The following PITPNC1 variants were observed in gnomAD, a reference collection of about 807,000 sequenced individuals.
PITPNC1 encodes the protein cytoplasmic phosphatidylinositol transfer protein 1.
Under a neutral mutation model 44.7 loss-of-function variants are expected in PITPNC1, and 18 were observed. The observed-to-expected ratio is 0.40, with a 90% confidence interval of 0.28 to 0.60. PITPNC1 has a LOEUF of 0.60. Ranked by LOEUF, PITPNC1 falls within the 20% of genes least tolerant of loss-of-function variation. PITPNC1 has a pLI of 0.39. For missense variants in PITPNC1, 290 were observed against 418.4 expected, an observed-to-expected ratio of 0.69 and a Z score of 2.68; for synonymous variants, 141 against 149.6, an observed-to-expected ratio of 0.94 and a Z score of 0.42.
intron 6 of PITPNC1, among the ~76,000 whole-genome samples, chr17:67,640,090 T>TC (rs752078636): frequency 1.4e-4 from 22 of 151,940 alleles, no homozygotes; most frequent in South Asian, 1.0e-3. Context: ...TTTTTTTTTT[T>TC]CCCGTTTCCC....
At chr17:67,504,633 TTTC>T (rs1225401309) in intron 1 of PITPNC1, among the ~76,000 whole-genome samples, 1 of 151,160 alleles carries the variant, frequency 6.6e-6, no homozygotes, top group African/African-American at 2.4e-5. Context: ...GTCAGTCTTC[TTTC>T]TTTTTTGTTT....
At chr17:67,474,642 A>G (rs763262678) in intron 1 of PITPNC1, among the ~76,000 whole-genome samples, 2 of 151,980 alleles carry the variant, frequency 1.3e-5, no homozygotes, top group Non-Finnish European at 2.9e-5. Flanking sequence ...AATTCTGGCA[A>G]TCCGTAGGAT....
At chr17:67,602,143 C>T (rs181352226) in intron 5 of PITPNC1, among the ~76,000 whole-genome samples, 12 of 152,252 alleles carry the variant, frequency 7.9e-5, no homozygotes, top group Admixed American at 5.2e-4. Context: ...TTGCAGCCTG[C>T]GTGTAGGAGC....
intron 8 of PITPNC1, chr17:67,687,114 A>C (rs771700627): frequency 2.5e-6 from 4 of 1,612,794 alleles, no homozygotes; most frequent in Non-Finnish European, 3.4e-6. Flanking sequence ...ATGCATGAAC[A>C]AACCAACATA....
At chr17:67,385,078 T>C (rs1231293341) in intron 1 of PITPNC1, among the ~76,000 whole-genome samples, 1 of 152,194 alleles carries the variant, frequency 6.6e-6, no homozygotes, top group Non-Finnish European at 1.5e-5. Flanking sequence ...ATCCAGGTGG[T>C]TTCCTTGGTG....
At chr17:67,619,609 C>T (rs1416817681) in intron 5 of PITPNC1, among the ~76,000 whole-genome samples, 4 of 152,142 alleles carry the variant, frequency 2.6e-5, no homozygotes, top group Non-Finnish European at 4.4e-5. Context: ...GGACAACATG[C>T]ACAGTGCCCG....
At chr17:67,457,733 C>G (rs1304536729) in intron 1 of PITPNC1, 1 of 151,938 alleles carries the variant, frequency 6.6e-6, no homozygotes, top group Non-Finnish European at 1.5e-5. Context: ...AATTCTGGAG[C>G]CTCAGTCCTG....
chr17:67,523,830 T>A (rs959659852), intron 1 of PITPNC1, among the ~76,000 whole-genome samples: 2 of 148,814 alleles, frequency 1.3e-5, no homozygotes, highest in African/African-American at 2.5e-5. Context: ...TTTTTTTTTT[T>A]AATTGAGACA....
chr17:67,418,459 G>A (rs751919739), intron 1 of PITPNC1, among the ~76,000 whole-genome samples: 60 of 152,286 alleles, frequency 3.9e-4, no homozygotes, highest in Admixed American at 1.0e-3. Flanking sequence ...CATTCTTTGG[G>A]TAGGTAGGTA....
chr17:67,529,166 G>C (rs967957863), intron 1 of PITPNC1, among the ~76,000 whole-genome samples: 30 of 152,182 alleles, frequency 2.0e-4, no homozygotes, highest in Non-Finnish European at 4.0e-4. Context: ...CGGCCGCCCA[G>C]CCCTCCACCG....
chr17:67,471,499 T>C, intron 1 of PITPNC1: 1 of 342,936 alleles, frequency 2.9e-6, no homozygotes, highest in South Asian at 2.1e-5. Context: ...TTTTATTAGG[T>C]TGGTGCAAAA....
chr17:67,621,227 A>AT (rs1567743362), intron 5 of PITPNC1, among the ~76,000 whole-genome samples: 2 of 12,356 alleles, frequency 1.6e-4, no homozygotes, highest in East Asian at 5.7e-3. Flanking sequence ...TTTTATTTTA[A>AT]GACAAAGTTT....
At chr17:67,662,692 T>C (rs1426088633) in intron 6 of PITPNC1, among the ~76,000 whole-genome samples, 1 of 152,186 alleles carries the variant, frequency 6.6e-6, no homozygotes. Context: ...GTGTGGCCTT[T>C]GGTGGTTGGC....
intron 1 of PITPNC1, among the ~76,000 whole-genome samples, chr17:67,394,645 TG>T (rs2038188423): frequency 6.6e-6 from 1 of 152,150 alleles, no homozygotes; most frequent in African/African-American, 2.4e-5. Context: ...GGCTCACGCC[TG>T]TAATCCCAGC....
At chr17:67,453,939 G>C (rs2039219824) in intron 1 of PITPNC1, among the ~76,000 whole-genome samples, 1 of 152,096 alleles carries the variant, frequency 6.6e-6, no homozygotes, top group African/African-American at 2.4e-5. Context: ...CTTTTCACAT[G>C]GGGGAAGCAC....
intron 6 of PITPNC1, among the ~76,000 whole-genome samples, chr17:67,642,295 A>AAGCAGGGGTTATC (rs1425468535): frequency 1.3e-5 from 2 of 152,232 alleles, no homozygotes; most frequent in East Asian, 3.9e-4. Context: ...AAAAAAGAAA[A>AAGCAGGGGTTATC]AGCAGGGGTT....
intron 1 of PITPNC1, among the ~76,000 whole-genome samples, chr17:67,520,224 T>C (rs2040308016): frequency 6.6e-6 from 1 of 152,128 alleles, no homozygotes. Flanking sequence ...ACCTTGGTAG[T>C]GGATGGACCT....
rs188983077 is a variant in PITPNC1, at chr17:67,596,537, G to A, written c.366+18280G>A. Reference sequence around the variant, plus strand: ...GTTATTGTTTTTCTTTTGAGATAGAGTCTCGCTCTGTCGTCCAGGCTGGAG... The same window carrying A: ...GTTATTGTTTTTCTTTTGAGATAGAATCTCGCTCTGTCGTCCAGGCTGGAG... On this transcript the variant is annotated intron_variant, in intron 5 of 8. Coordinates refer to ENST00000581322, the MANE Select transcript of PITPNC1 (RefSeq NM_012417.4). Among the ~76,000 whole-genome samples, 309 of 152,198 alleles carry A rather than the reference G, an allele frequency of 2.0e-3. 2 individuals are homozygous for A. Among genetic ancestry groups the A allele is most frequent in the Non-Finnish European group, 3.5e-3 (241 of 68,018 alleles).
chr17:67,599,269 G>C (rs1465165650), intron 5 of PITPNC1, among the ~76,000 whole-genome samples: 1 of 151,780 alleles, frequency 6.6e-6, no homozygotes, highest in Non-Finnish European at 1.5e-5. Context: ...GTCCAGTTGA[G>C]TTTGAAGTAG....
Sources: gnomAD v4.1 joint callset for allele counts (sites outside exome capture counted in the v4.1 genomes callset) on GRCh38, gnomAD v4.1.1 for gene constraint, MANE v1.5 for transcripts, NCBI Gene and HGNC (gene_info 2026-07-23, HGNC 2026-07-21) for gene names.